SYT1: variants seen among roughly 807,000 people sequenced by gnomAD.
SYT1 encodes the protein synaptotagmin 1, also known as synaptotagmin-1.
In SYT1, 8 loss-of-function variants were observed where a neutral mutation model predicts 44.8. That is an observed-to-expected ratio of 0.18 (90% CI 0.10 to 0.32). The LOEUF is 0.32. SYT1 is among the 10% of genes least tolerant of loss of function. The pLI, the probability that SYT1 is intolerant of heterozygous loss-of-function variation, is 1.00. For missense variants in SYT1, 286 were observed against 509.3 expected (o/e 0.56, Z 4.22); for synonymous variants, 154 against 188.8 (o/e 0.82, Z 1.51).
chr12:79,135,232 T>TCCTAATGCATATA (rs1869113207), intron 3 of SYT1, among the ~76,000 whole-genome samples: 1 of 151,728 alleles, frequency 6.6e-6, no homozygotes, highest in Non-Finnish European at 1.5e-5. Flanking sequence ...TAGGTATATC[T>TCCTAATGCATATA]CCTAATGCTA....
chr12:79,433,278 C>T (rs73356719), intron 9 of SYT1, among the ~76,000 whole-genome samples: 19,940 of 152,144 alleles, frequency 0.13, 1,360 homozygotes, highest in African/African-American at 0.16. Context: ...AGACCAGGAA[C>T]CCGTGTAGTC....
At chr12:78,934,724 A>T (rs978822488) in intron 1 of SYT1, among the ~76,000 whole-genome samples, 3 of 125,890 alleles carry the variant, frequency 2.4e-5, no homozygotes, top group Non-Finnish European at 3.3e-5. Flanking sequence ...AAATCTGAAC[A>T]TTTTTTTGAA....
chr12:79,306,964 G>C (rs980667062), intron 8 of SYT1, among the ~76,000 whole-genome samples: 3 of 152,184 alleles, frequency 2.0e-5, no homozygotes, highest in Non-Finnish European at 4.4e-5. Context: ...AGAATGTTTT[G>C]TTCTGTCTTC....
At chr12:79,384,240 C>G (rs1884338404) in intron 9 of SYT1, among the ~76,000 whole-genome samples, 1 of 152,116 alleles carries the variant, frequency 6.6e-6, no homozygotes, top group Admixed American at 6.6e-5. Context: ...CTAACAACCT[C>G]TTAAACATAT....
intron 9 of SYT1, among the ~76,000 whole-genome samples, chr12:79,386,406 G>T (rs1377605573): frequency 1.1e-4 from 17 of 151,248 alleles, no homozygotes; most frequent in African/African-American, 4.1e-4. Context: ...CAACGTGCAG[G>T]TTTGTTACAT....
intron 9 of SYT1, among the ~76,000 whole-genome samples, chr12:79,434,332 C>A (rs1228112122): frequency 6.6e-6 from 1 of 152,108 alleles, no homozygotes; most frequent in Non-Finnish European, 1.5e-5. Flanking sequence ...ATTTTTAATG[C>A]TGCATCCTTT....
chr12:78,964,594 C>T (rs577779335), intron 1 of SYT1, among the ~76,000 whole-genome samples: 6 of 151,426 alleles, frequency 4.0e-5, no homozygotes, highest in African/African-American at 1.2e-4. Flanking sequence ...CTGCATATGG[C>T]ATAAACTATT....
rs1250053027 is a variant in SYT1, at chr12:79,092,410, A to G, written c.-18+45048A>G. Among the ~76,000 whole-genome samples the G allele has an allele frequency of 4.0e-5, 6 of 151,800 alleles. No individual in the cohort carries two copies. In the East Asian group the frequency reaches 9.7e-4, roughly 25 times the overall value. ...ATAAGAATACTCACAAATAGTCTCC[A>G]AACTCTGGAGGGATCAGGTAGGGAG... is the stretch of plus-strand genomic sequence containing the variant. On this transcript the variant is annotated intron_variant, in intron 3 of 10. Coordinates refer to ENST00000261205, the MANE Select transcript of SYT1 (RefSeq NM_005639.3).
Position 79,284,677 on chromosome 12 carries a change from A to G in SYT1, c.167-1110A>G, listed in dbSNP as rs138987658. ...ATGGTGAAACCCCGTATCTACTAAA[A>G]AAAATATAAAAATTAGCTGGGCATG... On this transcript the variant is annotated intron_variant, in intron 4 of 10. Transcript: ENST00000261205. Among the ~76,000 whole-genome samples, 104 of 152,142 alleles carry G rather than the reference A, an allele frequency of 6.8e-4. 3 individuals carry two copies. The East Asian group carries it at 0.019, about 27-fold the overall frequency.
chr12:78,906,931 A>G lies in SYT1; in HGVS notation c.-217+41822A>G, dbSNP rs185905118. Among the ~76,000 whole-genome samples the G allele has an allele frequency of 3.3e-5, 5 of 152,264 alleles. No homozygotes were observed. The East Asian group carries it at 7.7e-4, about 24-fold the overall frequency. On this transcript the variant is annotated intron_variant, in intron 1 of 10. Coordinates refer to ENST00000261205, the MANE Select transcript of SYT1 (RefSeq NM_005639.3). ...AATTAAGACTTCATAACCGCACATG[A>G]AAAGCTTAATTCTGGCACTTTAATA...
At chr12:78,987,730 T>C (rs796383608) in intron 2 of SYT1, among the ~76,000 whole-genome samples, 34 of 152,178 alleles carry the variant, frequency 2.2e-4, no homozygotes, top group African/African-American at 7.5e-4. Context: ...CAGATGGGCT[T>C]ACTAGTGAAT....
chr12:79,268,406 A>G (rs1878245182), intron 4 of SYT1, among the ~76,000 whole-genome samples: 1 of 152,190 alleles, frequency 6.6e-6, no homozygotes, highest in African/African-American at 2.4e-5. Flanking sequence ...TGGAATTAAG[A>G]TGATATGTGG....
intron 9 of SYT1, among the ~76,000 whole-genome samples, chr12:79,370,013 C>G (rs1162645421): frequency 6.6e-6 from 1 of 152,162 alleles, no homozygotes; most frequent in Non-Finnish European, 1.5e-5. Context: ...CATTGCCTCT[C>G]TAACTTTCCA....
chr12:78,948,949 AG>A (rs1878813663), intron 1 of SYT1, among the ~76,000 whole-genome samples: 1 of 133,234 alleles, frequency 7.5e-6, no homozygotes, highest in Non-Finnish European at 1.6e-5. Context: ...GCAAAAATCA[AG>A]GCCTATTATA....
At chr12:79,240,108 G>T (rs894903130) in intron 4 of SYT1, among the ~76,000 whole-genome samples, 8 of 152,152 alleles carry the variant, frequency 5.3e-5, no homozygotes, top group African/African-American at 1.9e-4. Context: ...CAAAGAGAAG[G>T]CTTACATAGG....
chr12:79,173,699 A>G (rs1013496754), intron 3 of SYT1, among the ~76,000 whole-genome samples: 8 of 152,104 alleles, frequency 5.3e-5, no homozygotes, highest in African/African-American at 1.7e-4. Context: ...AAGGGCTACC[A>G]TAAGGAGCCT....
chr12:79,332,301 A>G (rs1032434928), intron 8 of SYT1, among the ~76,000 whole-genome samples: 2 of 152,184 alleles, frequency 1.3e-5, no homozygotes, highest in African/African-American at 2.4e-5. Flanking sequence ...TTTTCATGCA[A>G]AGGACCATTG....
chr12:79,256,519 T>C (rs191252498), intron 4 of SYT1, among the ~76,000 whole-genome samples: 4 of 152,354 alleles, frequency 2.6e-5, no homozygotes, highest in African/African-American at 9.6e-5. Flanking sequence ...TTCTGAGTTA[T>C]ATGTGCTAAA....
At chr12:79,415,679 T>C (rs1348671451) in intron 9 of SYT1, among the ~76,000 whole-genome samples, 1 of 152,186 alleles carries the variant, frequency 6.6e-6, no homozygotes, top group Non-Finnish European at 1.5e-5. Flanking sequence ...AATCCCTTTG[T>C]ACAAAGCTTA....
Sources: gnomAD v4.1 joint callset for allele counts (sites outside exome capture counted in the v4.1 genomes callset) on GRCh38, gnomAD v4.1.1 for gene constraint, MANE v1.5 for transcripts, NCBI Gene and HGNC (gene_info 2026-07-23, HGNC 2026-07-21) for gene names.